The following RTF1 variants were observed in gnomAD, a reference collection of about 807,000 sequenced individuals.
RTF1 encodes the protein RNA polymerase-associated protein RTF1 homolog.
RTF1 carries 10 observed loss-of-function variants against 95.7 expected under a neutral mutation model. The observed-to-expected ratio is 0.10, with a 90% confidence interval of 0.06 to 0.18. The LOEUF is 0.18. Among genes scored for constraint, RTF1 ranks in the 10% least tolerant of loss-of-function variants. RTF1 has a pLI of 1.00. For synonymous variants in RTF1, 305 were observed against 311.8 expected (o/e 0.98, Z 0.23); for missense variants, 458 against 875.6 (o/e 0.52, Z 6.02).
At chr15:41,435,242 A>G (rs1302618308) in intron 1 of RTF1, among the ~76,000 whole-genome samples, 1 of 152,162 alleles carries the variant, frequency 6.6e-6, no homozygotes, top group South Asian at 2.1e-4. Context: ...ATCAGAGAAG[A>G]TAAAGATCTT....
At chr15:41,422,930 C>T (rs1483806965) in intron 1 of RTF1, among the ~76,000 whole-genome samples, 8 of 152,116 alleles carry the variant, frequency 5.3e-5, no homozygotes, top group African/African-American at 1.7e-4. Context: ...CACGCCACCA[C>T]GTCCAGCTAA....
At chr15:41,479,904 T>G (rs1415059571) in intron 16 of RTF1, among the ~76,000 whole-genome samples, 1 of 150,984 alleles carries the variant, frequency 6.6e-6, no homozygotes, top group Non-Finnish European at 1.5e-5. Flanking sequence ...CCAAGTTAAG[T>G]CTTTTCCTGT....
chr15:41,432,493 G>A (rs1161427095), intron 1 of RTF1, among the ~76,000 whole-genome samples: 2 of 151,840 alleles, frequency 1.3e-5, no homozygotes. Flanking sequence ...CACTGCGCCC[G>A]GCCTAGGTTT....
intron 12 of RTF1, among the ~76,000 whole-genome samples, chr15:41,476,780 C>A (rs535646596): frequency 1.4e-4 from 22 of 152,360 alleles, no homozygotes; most frequent in African/African-American, 5.0e-4. Context: ...ATAAAATAGA[C>A]CCTGGGGTGG....
At chr15:41,457,232 A>G (rs536614350) in intron 3 of RTF1, among the ~76,000 whole-genome samples, 16 of 152,274 alleles carry the variant, frequency 1.1e-4, no homozygotes, top group South Asian at 1.0e-3. Flanking sequence ...CGAGACCCCA[A>G]TTCTATTTAA....
chr15:41,477,138 C>T (rs199670057), intron 12 of RTF1, 27 bp from the exon 13 acceptor site: 689 of 1,613,922 alleles, frequency 4.3e-4, no homozygotes, highest in Non-Finnish European at 5.1e-4. Flanking sequence ...TAGCCAAGAA[C>T]GAACTCACAC....
chr15:41,458,747 A>G lies in RTF1; in HGVS notation c.662+871A>G, dbSNP rs545025302. Among the ~76,000 whole-genome samples, 4 of 151,530 alleles carry G rather than the reference A, an allele frequency of 2.6e-5. No homozygotes were observed. The South Asian group carries it at 8.3e-4, about 32-fold the overall frequency. Reference sequence around the variant, plus strand: ...CTTGGTGAGAGCGAGACTCTGTCTCAATAAAAAATAAAAATAAAAATAAAT... The same window carrying G: ...CTTGGTGAGAGCGAGACTCTGTCTCGATAAAAAATAAAAATAAAAATAAAT... On this transcript the variant is annotated intron_variant, in intron 4 of 17. Coordinates refer to ENST00000389629, the MANE Select transcript of RTF1 (RefSeq NM_015138.5).
At chr15:41,421,021 A>G (rs35826725) in intron 1 of RTF1, among the ~76,000 whole-genome samples, 18,209 of 152,274 alleles carry the variant, frequency 0.12, 1,477 homozygotes, top group African/African-American at 0.23. Flanking sequence ...GTACTTCCAA[A>G]TTAAGCGTAC....
chr15:41,438,542 A>G lies in RTF1; in HGVS notation c.309+111A>G. ...AATGGAGACTTACAGCCTAAGATCT[A>G]CAAGAATTTATTGGGGAAAGAAAAT... On this transcript the variant is annotated intron_variant, in intron 2 of 17. Coordinates refer to ENST00000389629, the MANE Select transcript of RTF1 (RefSeq NM_015138.5). 6 of 630,712 alleles carry G rather than the reference A, an allele frequency of 9.5e-6. No homozygotes were observed. In the South Asian group the frequency reaches 1.1e-4, roughly 11 times the overall value. The allele number at this position is 630,712 out of a possible 1,614,324, so 39.1% of individuals were successfully genotyped here.
Position 41,457,891 on chromosome 15 carries a change from G to C in RTF1, c.662+15G>C. 6.3e-7 allele frequency: 1 copy of C among 1,599,090 alleles called. No individual in the cohort carries two copies. Among genetic ancestry groups the C allele is most frequent in the Non-Finnish European group, 8.5e-7 (1 of 1,173,204 alleles). On this transcript the variant is annotated intron_variant, in intron 4 of 17. Coordinates refer to ENST00000389629, the MANE Select transcript of RTF1 (RefSeq NM_015138.5). ...TTGAAAAGAAGGTAAGGTTGTCCTC[G>C]TCGTTGTCCCCCCCCCGCCCCCACC... is the stretch of plus-strand genomic sequence containing the variant.
At chr15:41,436,678 C>T (rs2140950884) in intron 1 of RTF1, among the ~76,000 whole-genome samples, 1 of 151,658 alleles carries the variant, frequency 6.6e-6, no homozygotes, top group Non-Finnish European at 1.5e-5. Context: ...CCTGTAGTCC[C>T]ATCTACTTGG....
chr15:41,425,939 C>T (rs1413598790), intron 1 of RTF1, among the ~76,000 whole-genome samples: 4 of 151,898 alleles, frequency 2.6e-5, no homozygotes, highest in South Asian at 2.1e-4. Context: ...ATGTGGAGTT[C>T]GAAGTGACTA....
At chr15:41,436,488 G>T (rs1463204271) in intron 1 of RTF1, among the ~76,000 whole-genome samples, 1 of 150,318 alleles carries the variant, frequency 6.7e-6, no homozygotes, top group East Asian at 2.0e-4. Context: ...GCCAGGCGTG[G>T]TGGTGGGTGC....
intron 4 of RTF1, among the ~76,000 whole-genome samples, chr15:41,460,698 A>ATT (rs1293444600): frequency 1.4e-5 from 2 of 143,616 alleles, no homozygotes; most frequent in South Asian, 2.2e-4. Context: ...TTAAAAAAAA[A>ATT]TTTTTTTTTT....
chr15:41,474,548 C>A, intron 8 of RTF1, 72 bp from the exon 9 acceptor site: 1 of 1,057,226 alleles, frequency 9.5e-7, no homozygotes, highest in Non-Finnish European at 1.5e-6. Flanking sequence ...GGTAGAGAGA[C>A]GCAAAGGAAG....
intron 12 of RTF1, 150 bp from the exon 13 acceptor site, chr15:41,477,015 T>A (rs1464352325): frequency 1.1e-6 from 1 of 940,568 alleles, no homozygotes; most frequent in East Asian, 2.5e-5. Flanking sequence ...TATCTTGTAT[T>A]TGTAAAGTAC....
intron 2 of RTF1, among the ~76,000 whole-genome samples, chr15:41,446,458 CA>C (rs1197668993): frequency 6.6e-6 from 1 of 151,872 alleles, no homozygotes; most frequent in Non-Finnish European, 1.5e-5. Flanking sequence ...CCCAGCTACT[CA>C]GGAGGCTGAG....
intron 4 of RTF1, among the ~76,000 whole-genome samples, chr15:41,462,228 A>G (rs1270688969): frequency 6.6e-6 from 1 of 152,182 alleles, no homozygotes; most frequent in Non-Finnish European, 1.5e-5. Flanking sequence ...AAAGCTCTTT[A>G]TATGGATTGC....
Sources: allele counts gnomAD v4.1 joint callset (sites outside exome capture counted in the v4.1 genomes callset), GRCh38; gene constraint gnomAD v4.1.1; transcripts MANE v1.5; gene names NCBI Gene and HGNC (gene_info 2026-07-23, HGNC 2026-07-21).